The following TMEM132B variants were observed in gnomAD, a reference collection of about 807,000 sequenced individuals.
TMEM132B encodes transmembrane protein 132B.
A neutral mutation model predicts 90.8 loss-of-function variants in TMEM132B; 18 were observed. That is an observed-to-expected ratio of 0.20 (90% CI 0.14 to 0.29). TMEM132B has a LOEUF of 0.29. TMEM132B is among the 10% of genes least tolerant of loss of function. TMEM132B has a pLI of 1.00. For synonymous variants in TMEM132B, 504 were observed against 523.3 expected (o/e 0.96, Z 0.50); for missense variants, 1,096 against 1,326.8 (o/e 0.83, Z 2.70).
chr12:125,395,199 G>A (rs1014109130), intron 2 of TMEM132B, among the ~76,000 whole-genome samples: 1 of 152,068 alleles, frequency 6.6e-6, no homozygotes, highest in Admixed American at 6.5e-5. Context: ...GAACCGTTGA[G>A]TGTGTCTGGG....
At chr12:125,501,537 C>G (rs537843825) in intron 3 of TMEM132B, among the ~76,000 whole-genome samples, 20 of 152,288 alleles carry the variant, frequency 1.3e-4, no homozygotes, top group African/African-American at 4.8e-4. Context: ...TTCCCCACCC[C>G]ACCCCCGACA....
intron 4 of TMEM132B, among the ~76,000 whole-genome samples, chr12:125,534,230 T>C (rs1335287659): frequency 6.6e-6 from 1 of 152,170 alleles, no homozygotes; most frequent in East Asian, 1.9e-4. Flanking sequence ...AAAAATCACC[T>C]TGCTGGCTGG....
At chr12:125,294,747 A>G (rs1390420303) in intron 1 of TMEM132B, among the ~76,000 whole-genome samples, 1 of 152,238 alleles carries the variant, frequency 6.6e-6, no homozygotes, top group East Asian at 1.9e-4. Context: ...TGCTGGTCAC[A>G]GTATACATGA....
intron 3 of TMEM132B, among the ~76,000 whole-genome samples, chr12:125,491,137 T>C (rs1882340044): frequency 1.3e-5 from 2 of 152,186 alleles, no homozygotes; most frequent in Non-Finnish European, 2.9e-5. Flanking sequence ...GCTCCTGACT[T>C]TCCAATCCAC....
chr12:125,309,902 T>G (rs1208287839), intron 1 of TMEM132B, among the ~76,000 whole-genome samples: 1 of 152,166 alleles, frequency 6.6e-6, no homozygotes, highest in Non-Finnish European at 1.5e-5. Flanking sequence ...CCTAGGCAGC[T>G]CAAAGGAGTC....
chr12:125,573,173 G>T (rs1884845447), intron 4 of TMEM132B, among the ~76,000 whole-genome samples: 1 of 152,142 alleles, frequency 6.6e-6, no homozygotes, highest in African/African-American at 2.4e-5. Flanking sequence ...GATTGCTAAA[G>T]GGGTGTTATA....
intron 4 of TMEM132B, among the ~76,000 whole-genome samples, chr12:125,543,060 A>G (rs963660702): frequency 2.0e-5 from 3 of 152,186 alleles, no homozygotes; most frequent in African/African-American, 7.2e-5. Context: ...ATGTAACAGA[A>G]AGTCTAACAG....
chr12:125,538,691 G>A (rs764511322), intron 4 of TMEM132B, among the ~76,000 whole-genome samples: 2 of 152,150 alleles, frequency 1.3e-5, no homozygotes, highest in African/African-American at 4.8e-5. Context: ...AGAGGCATTC[G>A]TTTTTGAAAA....
chr12:125,425,201 G>C (rs1415964905), intron 3 of TMEM132B, among the ~76,000 whole-genome samples: 1 of 152,108 alleles, frequency 6.6e-6, no homozygotes, highest in Non-Finnish European at 1.5e-5. Context: ...ACTAAATCTT[G>C]GTTGTTTTAA....
chr12:125,576,676 G>A (rs1418738921), intron 4 of TMEM132B, among the ~76,000 whole-genome samples: 1 of 151,918 alleles, frequency 6.6e-6, no homozygotes, highest in African/African-American at 2.4e-5. Context: ...TCATTAAAAG[G>A]TGTTGGATTT....
intron 1 of TMEM132B, among the ~76,000 whole-genome samples, chr12:125,308,354 T>C (rs1876045057): frequency 6.6e-6 from 1 of 152,172 alleles, no homozygotes; most frequent in Admixed American, 6.5e-5. Flanking sequence ...TATATTGTTC[T>C]GGAATATGGA....
At chr12:125,622,320 T>C (rs1266745702) in intron 5 of TMEM132B, 1 of 208,486 alleles carries the variant, frequency 4.8e-6, no homozygotes, top group African/African-American at 2.4e-5. Context: ...TGGAATAGTA[T>C]GTTAGATGTG....
At chr12:125,313,292 G>C (rs1362399215) in intron 1 of TMEM132B, among the ~76,000 whole-genome samples, 4 of 152,192 alleles carry the variant, frequency 2.6e-5, no homozygotes, top group Admixed American at 6.5e-5. Flanking sequence ...ATTTGAATCT[G>C]TGTCCAGTCA....
rs546142977 is a variant in TMEM132B at position 125,376,553 on chromosome 12, G to T, written c.959+26210G>T. ...CTCCAGTGGCTAGCTGCCTGGGCTC[G>T]GGGCTATTTAAACTCTTCCTGTCCT... On this transcript the variant is annotated intron_variant, in intron 2 of 8. Transcript: ENST00000682704. Among the ~76,000 whole-genome samples, 628 of 152,246 alleles carry T rather than the reference G, an allele frequency of 4.1e-3. 3 individuals carry two copies. Among genetic ancestry groups the T allele is most frequent in the Non-Finnish European group, 7.5e-3 (509 of 68,022 alleles).
intron 1 of TMEM132B, among the ~76,000 whole-genome samples, chr12:125,256,238 C>G (rs2136106477): frequency 6.6e-6 from 1 of 152,306 alleles, no homozygotes; most frequent in Admixed American, 6.5e-5. Context: ...AATTGCAATA[C>G]AGTCTCTAAA....
At chr12:125,435,441 G>A (rs781148206) in intron 3 of TMEM132B, among the ~76,000 whole-genome samples, 1 of 152,114 alleles carries the variant, frequency 6.6e-6, no homozygotes, top group Admixed American at 6.5e-5. Flanking sequence ...TTCTGCAGGG[G>A]GAGGGGTTAG....
At chr12:125,412,137 C>T (rs1022554033) in intron 2 of TMEM132B, among the ~76,000 whole-genome samples, 4 of 152,304 alleles carry the variant, frequency 2.6e-5, no homozygotes, top group South Asian at 4.1e-4. Flanking sequence ...TCGGGATAAA[C>T]CAGAGGCTAG....
intron 5 of TMEM132B, among the ~76,000 whole-genome samples, chr12:125,626,754 A>G (rs893346300): frequency 1.6e-4 from 25 of 152,120 alleles, no homozygotes; most frequent in African/African-American, 5.8e-4. Context: ...AGCAGTTTGC[A>G]TATTACATGC....
chr12:125,534,294 A>C (rs1330393715), intron 4 of TMEM132B, among the ~76,000 whole-genome samples: 2 of 152,168 alleles, frequency 1.3e-5, no homozygotes, highest in Admixed American at 1.3e-4. Context: ...AGGCAGGAGG[A>C]CTGCTTGAGC....
Sources: allele counts gnomAD v4.1 joint callset (sites outside exome capture counted in the v4.1 genomes callset), GRCh38; gene constraint gnomAD v4.1.1; transcripts MANE v1.5; gene names NCBI Gene and HGNC (gene_info 2026-07-23, HGNC 2026-07-21).